The following TOMM20L variants were observed in gnomAD, a reference collection of about 807,000 sequenced individuals.
The protein encoded by TOMM20L is TOMM20-like protein 1.
Under a neutral mutation model 20.4 loss-of-function variants are expected in TOMM20L, and 19 were observed. The observed-to-expected ratio is 0.93, with a 90% confidence interval of 0.65 to 1.36. TOMM20L has a LOEUF of 1.36. TOMM20L is among the 40% of genes most tolerant of loss of function. The probability of loss-of-function intolerance (pLI) is 0.00; values close to 1 mark genes in which losing one functional copy is unlikely to be tolerated. For missense variants in TOMM20L, 218 were observed against 203.7 expected (o/e 1.07, Z -0.43); for synonymous variants, 75 against 79.6 (o/e 0.94, Z 0.30).
rs967847184 is a variant in TOMM20L at position 58,396,294 on chromosome 14, G to C, written c.137-4G>C. 1.9e-6 allele frequency: 3 copies of C among 1,613,090 alleles called. No homozygotes were observed. The highest frequency in any genetic ancestry group is 3.3e-5 in the Admixed American group (2 of 60,018). The stretch of plus-strand genomic sequence containing the variant: ...AGCCAGCATGTGCCGTGTTGTGTTC[G>C]CAGAAAGAAGAGCAGAGCCTCAAAA... On this transcript the variant is annotated splice_polypyrimidine_tract_variant and splice_region_variant and intron_variant, in intron 1 of 4. Transcript: ENST00000360945.
At chr14:58,404,101 A>G (rs185800463) in intron 3 of TOMM20L, among the ~76,000 whole-genome samples, 1,743 of 4,592 alleles carry the variant, frequency 0.38, 373 homozygotes, top group East Asian at 0.76. Context: ...ATATATATGT[A>G]TATATATATA....
chr14:58,407,230 C>T, intron 3 of TOMM20L, 96 bp from the exon 4 acceptor site: 1 of 1,249,480 alleles, frequency 8.0e-7, no homozygotes, highest in South Asian at 1.5e-5. Context: ...GTTGGATATG[C>T]TTTTAATTTT....
At chr14:58,411,834 G>A (rs1216742898), downstream of TOMM20L, 1 of 1,419,156 alleles carries the variant, frequency 7.0e-7, no homozygotes, top group Non-Finnish European at 1.0e-6. Flanking sequence ...ACTGCACCCA[G>A]CCTGACATGG....
Position 58,404,934 on chromosome 14 carries a change from T to C in TOMM20L, c.262+2173T>C, listed in dbSNP as rs191796619. Reference sequence around the variant, plus strand: ...ACCAGTGAAGCTTATGTCTAAAGACTTTTATTTGCATAGGCCTCTAAGGCC... The same window carrying C: ...ACCAGTGAAGCTTATGTCTAAAGACCTTTATTTGCATAGGCCTCTAAGGCC... On this transcript the variant is annotated intron_variant, in intron 3 of 4. Transcript: ENST00000360945. Among the ~76,000 whole-genome samples the C allele has an allele frequency of 5.3e-5, 8 of 152,272 alleles. 1 individual carries two copies. The South Asian group carries it at 6.2e-4, about 12-fold the overall frequency.
At chr14:58,400,775 G>A (rs1011510001) in intron 2 of TOMM20L, among the ~76,000 whole-genome samples, 1 of 151,928 alleles carries the variant, frequency 6.6e-6, no homozygotes, top group Non-Finnish European at 1.5e-5. Flanking sequence ...CTACTCAGGA[G>A]GCTGAGGCAG....
intron 3 of TOMM20L, among the ~76,000 whole-genome samples, chr14:58,404,905 A>T (rs1197128726): frequency 6.6e-6 from 1 of 152,236 alleles, no homozygotes; most frequent in Non-Finnish European, 1.5e-5. Flanking sequence ...GTGACTTTAC[A>T]TAAACCAGTG....
At chr14:58,412,093 C>T, downstream of TOMM20L, 1 of 675,838 alleles carries the variant, frequency 1.5e-6, no homozygotes, top group Non-Finnish European at 2.6e-6. Flanking sequence ...ATGCCACCAC[C>T]CCCAATTTCT....
intron 3 of TOMM20L, among the ~76,000 whole-genome samples, chr14:58,403,456 C>T (rs1260775995): frequency 6.6e-6 from 1 of 152,184 alleles, no homozygotes; most frequent in Non-Finnish European, 1.5e-5. Context: ...TAAATTAATT[C>T]CCTATGAATG....
downstream of TOMM20L, chr14:58,409,125 G>A (rs771528260): frequency 1.2e-6 from 2 of 1,613,500 alleles, no homozygotes; most frequent in Non-Finnish European, 8.5e-7. Context: ...TATTCTTTGT[G>A]TCATTTTTAA....
intron 3 of TOMM20L, among the ~76,000 whole-genome samples, chr14:58,406,953 T>C (rs10143729): frequency 0.087 from 13,185 of 152,250 alleles, 783 homozygotes; most frequent in African/African-American, 0.17. Context: ...TCATCTATAA[T>C]ATTTTTTCAA....
At chr14:58,408,347 G>A (rs551552739) in intron 4 of TOMM20L, 182 bp from the exon 5 acceptor site, 4 of 566,524 alleles carry the variant, frequency 7.1e-6, no homozygotes, top group East Asian at 3.1e-5. Flanking sequence ...AACTGGGGAG[G>A]TGGAGGTTGC....
downstream of TOMM20L, among the ~76,000 whole-genome samples, chr14:58,410,295 G>A (rs182080033): frequency 4.0e-5 from 6 of 151,740 alleles, no homozygotes; most frequent in East Asian, 3.9e-4. Context: ...GGCTGGTTTC[G>A]AACTCCTGGG....
intron 3 of TOMM20L, 127 bp from the exon 4 acceptor site, chr14:58,407,199 G>C: frequency 1.2e-6 from 1 of 845,978 alleles, no homozygotes; most frequent in South Asian, 1.8e-5. Context: ...CTCTTCACAA[G>C]ACTTGTCTAA....
chr14:58,413,039 A>G (rs1172251403), downstream of TOMM20L, among the ~76,000 whole-genome samples: 1 of 152,224 alleles, frequency 6.6e-6, no homozygotes, highest in Non-Finnish European at 1.5e-5. Flanking sequence ...TACTCAGTCG[A>G]ATACATCAAA....
intron 2 of TOMM20L, among the ~76,000 whole-genome samples, chr14:58,399,152 T>C (rs1466436493): frequency 6.6e-6 from 1 of 152,170 alleles, no homozygotes; most frequent in South Asian, 2.1e-4. Flanking sequence ...TCCTGAAGTG[T>C]TGGGATTACA....
chr14:58,398,705 T>G (rs1284939678), intron 2 of TOMM20L: 1 of 151,102 alleles, frequency 6.6e-6, no homozygotes, highest in African/African-American at 2.4e-5. Context: ...TAATATAATC[T>G]AATTATATTC....
At chr14:58,415,575 T>C in the TOMM20L span, among the ~76,000 whole-genome samples, 1 of 151,972 alleles carries the variant, frequency 6.6e-6, no homozygotes, top group Non-Finnish European at 1.5e-5. Context: ...CAAAATAAAC[T>C]CAATGAATAA....
downstream of TOMM20L, chr14:58,411,016 T>C: frequency 1.0e-6 from 1 of 974,576 alleles, no homozygotes; most frequent in South Asian, 1.4e-5. Flanking sequence ...ACTGGTATTT[T>C]ATATTTAGAC....
chr14:58,400,341 G>T (rs1376783686), intron 2 of TOMM20L, among the ~76,000 whole-genome samples: 6 of 150,558 alleles, frequency 4.0e-5, no homozygotes, highest in East Asian at 2.0e-4. Context: ...GGAGACAGAG[G>T]TTGCAGTGAG....
Sources: allele counts gnomAD v4.1 joint callset (sites outside exome capture counted in the v4.1 genomes callset), GRCh38; gene constraint gnomAD v4.1.1; transcripts MANE v1.5; gene names NCBI Gene and HGNC (gene_info 2026-07-23, HGNC 2026-07-21).